Variants in NCK1 observed in about 807,000 individuals in gnomAD.
NCK1 encodes the protein NCK adaptor protein 1.
In NCK1, 19 loss-of-function variants were observed where a neutral mutation model predicts 36.6. The observed-to-expected ratio is 0.52, with a 90% CI of 0.36 to 0.76. NCK1 has a LOEUF of 0.76. Ranked by LOEUF, NCK1 falls within the 30% of genes least tolerant of loss-of-function variation. NCK1 has a pLI of 0.00. For missense variants in NCK1, 358 were observed against 445.6 expected (o/e 0.80, Z 1.77); for synonymous variants, 165 against 156.0 (o/e 1.06, Z -0.43).
At chr3:136,931,867 C>T (rs1940398950) in intron 2 of NCK1, among the ~76,000 whole-genome samples, 1 of 152,104 alleles carries the variant, frequency 6.6e-6, no homozygotes, top group Admixed American at 6.5e-5. Context: ...AGCCTGTAAT[C>T]TCAGCACTTT....
intron 1 of NCK1, among the ~76,000 whole-genome samples, chr3:136,909,715 T>C (rs949444426): frequency 2.6e-5 from 4 of 152,198 alleles, no homozygotes; most frequent in African/African-American, 4.8e-5. Context: ...GTCTTGTTTC[T>C]CCCTTAAATT....
chr3:136,907,200 C>T (rs1351331952), intron 1 of NCK1, among the ~76,000 whole-genome samples: 1 of 152,134 alleles, frequency 6.6e-6, no homozygotes, highest in East Asian at 1.9e-4. Flanking sequence ...TGAAAATGCA[C>T]GGGTCCCCCT....
intron 2 of NCK1, among the ~76,000 whole-genome samples, chr3:136,943,861 C>T (rs1046017644): frequency 6.6e-6 from 1 of 151,974 alleles, no homozygotes; most frequent in Non-Finnish European, 1.5e-5. Context: ...ATAAGAAATT[C>T]GGGGAAGTCA....
At chr3:136,871,275 C>T (rs1938609719) in intron 1 of NCK1, among the ~76,000 whole-genome samples, 1 of 151,902 alleles carries the variant, frequency 6.6e-6, no homozygotes, top group South Asian at 2.1e-4. Context: ...CTGTGAGCGT[C>T]TGTAGTCCTA....
intron 1 of NCK1, among the ~76,000 whole-genome samples, chr3:136,906,996 A>G (rs1333184681): frequency 1.2e-4 from 18 of 152,014 alleles, no homozygotes; most frequent in Admixed American, 1.1e-3. Context: ...GGGGAGAGTG[A>G]TCCTCAGACT....
At chr3:136,873,211 G>A (rs1263087985) in intron 1 of NCK1, among the ~76,000 whole-genome samples, 1 of 152,208 alleles carries the variant, frequency 6.6e-6, no homozygotes, top group Non-Finnish European at 1.5e-5. Flanking sequence ...AGAGTCAGAG[G>A]TGCCCAAGAC....
chr3:136,875,150 A>G (rs1478607694), intron 1 of NCK1, among the ~76,000 whole-genome samples: 3 of 152,172 alleles, frequency 2.0e-5, no homozygotes, highest in Non-Finnish European at 4.4e-5. Context: ...GAGGACTGTC[A>G]TAACAATACC....
At chr3:136,919,514 A>G (rs966477758) in intron 1 of NCK1, among the ~76,000 whole-genome samples, 4 of 152,198 alleles carry the variant, frequency 2.6e-5, no homozygotes, top group African/African-American at 9.6e-5. Flanking sequence ...TCCTAGTATT[A>G]TGAAAATAGT....
chr3:136,913,098 T>A (rs1394228023), intron 1 of NCK1, among the ~76,000 whole-genome samples: 3 of 151,990 alleles, frequency 2.0e-5, no homozygotes, highest in African/African-American at 4.8e-5. Flanking sequence ...AGGCCCGTCT[T>A]CTGATCTTTC....
chr3:136,935,067 A>C (rs1318911337), intron 2 of NCK1, among the ~76,000 whole-genome samples: 1 of 151,946 alleles, frequency 6.6e-6, no homozygotes, highest in Non-Finnish European at 1.5e-5. Context: ...ATGACTGGCT[A>C]ATTTTTGTAT....
At chr3:136,895,037 A>G (rs1224127062) in intron 1 of NCK1, among the ~76,000 whole-genome samples, 36 of 152,090 alleles carry the variant, frequency 2.4e-4, no homozygotes, top group African/African-American at 8.2e-4. Flanking sequence ...CACCAAGCCC[A>G]GCTAATTTTG....
intron 1 of NCK1, among the ~76,000 whole-genome samples, chr3:136,923,099 A>G (rs934846330): frequency 1.4e-4 from 20 of 146,044 alleles, no homozygotes; most frequent in African/African-American, 4.9e-4. Context: ...GTCTATGCCT[A>G]TGTGTATGTG....
rs2108159764 is a variant in NCK1 at position 136,950,115 on chromosome 3, T to G, written c.*1662T>G. On this transcript the variant is annotated 3_prime_UTR_variant, in exon 4 of 4. Transcript: ENST00000481752. ...ATGTATGCTTATCTTTGCTGTAAAA[T>G]CAAATGAATATAAATTGAGGAAAAC... is the stretch of plus-strand genomic sequence containing the variant. 6.6e-6 allele frequency among the ~76,000 whole-genome samples: 1 copy of G among 152,200 alleles called. No homozygotes were observed. Among genetic ancestry groups the G allele is most frequent in the East Asian group, 1.9e-4 (1 of 5,186 alleles).
rs898008353 is a variant in NCK1, at chr3:136,950,016, A to G, written c.*1563A>G. Among the ~76,000 whole-genome samples, 3 of 152,006 alleles carry G rather than the reference A, an allele frequency of 2.0e-5. No individual in the cohort carries two copies. The highest frequency in any genetic ancestry group is 2.1e-4 in the South Asian group (1 of 4,822). On this transcript the variant is annotated 3_prime_UTR_variant, in exon 4 of 4. Transcript: ENST00000481752. ...TTTAAAACATTTTAGTTCATATTCT[A>G]TTATTTTTCTAACTCAGTACTCCTT...
rs900756685 is a variant in NCK1, at chr3:136,945,961, G to C, written c.605G>C (p.Ser202Thr). 8.1e-6 allele frequency: 13 copies of C among 1,613,888 alleles called. No homozygotes were observed. Among genetic ancestry groups the C allele is most frequent in the Non-Finnish European group, 1.1e-5 (13 of 1,179,986 alleles). ...LHVVQALYPF[S>T]SSNDEELNFE... ...GTGGTACAGGCTCTTTACCCATTCAGCTCATCTAATGATGAAGAACTTAAT... is the reference window on the plus strand; with the variant it reads ...GTGGTACAGGCTCTTTACCCATTCACCTCATCTAATGATGAAGAACTTAAT... Residue 202 changes from serine to threonine, a missense_variant, in exon 3 of 4, where the codon AGC becomes ACC. Transcript: ENST00000481752.
intron 1 of NCK1, among the ~76,000 whole-genome samples, chr3:136,869,623 T>C (rs2108065808): frequency 6.6e-6 from 1 of 152,354 alleles, no homozygotes; most frequent in African/African-American, 2.4e-5. Flanking sequence ...TTCTTCATGT[T>C]TATTTTTCCT....
chr3:136,928,893 C>G (rs990616113), intron 2 of NCK1, among the ~76,000 whole-genome samples: 82 of 148,762 alleles, frequency 5.5e-4, no homozygotes, highest in African/African-American at 1.9e-3. Flanking sequence ...AAATTAAACT[C>G]TCCTTAGCTG....
chr3:136,903,061 T>A (rs907502856), intron 1 of NCK1, among the ~76,000 whole-genome samples: 1 of 152,246 alleles, frequency 6.6e-6, no homozygotes, highest in Non-Finnish European at 1.5e-5. Context: ...TGTCCCTAAC[T>A]ATTATCGTAG....
chr3:136,893,031 C>A, intron 1 of NCK1, among the ~76,000 whole-genome samples: 1 of 150,164 alleles, frequency 6.7e-6, no homozygotes, highest in South Asian at 2.1e-4. Flanking sequence ...GGAGAATATA[C>A]GATGTTTGGT....
Sources: allele counts gnomAD v4.1 joint callset (sites outside exome capture counted in the v4.1 genomes callset), GRCh38; gene constraint gnomAD v4.1.1; transcripts MANE v1.5; gene names NCBI Gene and HGNC (gene_info 2026-07-23, HGNC 2026-07-21).